The following NSMCE2 variants were observed in gnomAD, a reference collection of about 807,000 sequenced individuals.
The protein encoded by NSMCE2 is E3 SUMO-protein ligase NSE2.
NSMCE2 carries 24 observed loss-of-function variants against 23.8 expected under a neutral mutation model. The ratio of observed to expected loss-of-function variants is 1.01; its 90% confidence interval spans 0.73 to 1.42. NSMCE2 has a LOEUF of 1.42. NSMCE2 is among the 40% of genes most tolerant of loss of function. The pLI is 0.00. For missense variants in NSMCE2, 284 were observed against 296.5 expected (o/e 0.96, Z 0.31); for synonymous variants, 92 against 94.1 (o/e 0.98, Z 0.13).
At chr8:125,165,066 T>C (rs1200117713) in intron 4 of NSMCE2, among the ~76,000 whole-genome samples, 2 of 152,214 alleles carry the variant, frequency 1.3e-5, no homozygotes, top group Non-Finnish European at 2.9e-5. Flanking sequence ...GATACTGCAA[T>C]TGGAGTCAGA....
chr8:125,158,321 C>T (rs920314483), intron 4 of NSMCE2, among the ~76,000 whole-genome samples: 6 of 152,002 alleles, frequency 3.9e-5, no homozygotes, highest in African/African-American at 1.2e-4. Context: ...TAAAAACATG[C>T]GGTGAATGCT....
chr8:125,339,127 T>C (rs1332959219), intron 5 of NSMCE2, among the ~76,000 whole-genome samples: 1 of 152,200 alleles, frequency 6.6e-6, no homozygotes, highest in African/African-American at 2.4e-5. Flanking sequence ...GAAGGGACAC[T>C]GCTCTGCAGT....
At chr8:125,145,253 T>C (rs1464848267) in intron 3 of NSMCE2, among the ~76,000 whole-genome samples, 1 of 152,204 alleles carries the variant, frequency 6.6e-6, no homozygotes, top group Non-Finnish European at 1.5e-5. Flanking sequence ...TGCTTGTGAC[T>C]GGGGTCATTG....
At chr8:125,091,994 G>A (rs575579837) in intron 1 of NSMCE2, 36 bp downstream of exon 1, 2 of 152,458 alleles carry the variant, frequency 1.3e-5, no homozygotes, top group African/African-American at 4.8e-5. Context: ...TGGGGAGGGT[G>A]GCAGGAGTTT....
rs865885773 is a variant in NSMCE2 at position 125,229,446 on chromosome 8, G to A, written c.418+47190G>A. Among the ~76,000 whole-genome samples, 27 of 152,174 alleles carry A rather than the reference G, an allele frequency of 1.8e-4. No homozygotes were observed. In the Middle Eastern group the frequency reaches 0.01, roughly 58 times the overall value. ...GGATTTTCTTGTGACCCATTTTAGA[G>A]AGCACTGGAATTATTTAAGAATAAT... On this transcript the variant is annotated intron_variant, in intron 5 of 7. Coordinates refer to ENST00000287437, the MANE Select transcript of NSMCE2 (RefSeq NM_173685.4).
At chr8:125,254,319 A>G (rs1826320953) in intron 5 of NSMCE2, among the ~76,000 whole-genome samples, 1 of 152,208 alleles carries the variant, frequency 6.6e-6, no homozygotes, top group Non-Finnish European at 1.5e-5. Flanking sequence ...TGTGCCACAA[A>G]ACATTTTACC....
In NSMCE2 at chr8:125,125,351, T is replaced by TCA. The variant is rs565690099; in HGVS notation, c.157+22867_157+22868dup. 9.8e-5 allele frequency among the ~76,000 whole-genome samples: 15 copies of TCA among 152,318 alleles called. No homozygotes were observed. The South Asian group carries it at 2.5e-3, about 25-fold the overall frequency. On this transcript the variant is annotated intron_variant, in intron 3 of 7. Transcript: ENST00000287437. ...TCTAACGCCCTTTATTGAGAAAGCT[T>TCA]CACATCATTCTCACTGTAAGAGAAA...
rs184323788 is a variant in NSMCE2, at chr8:125,100,817, T to C, written c.-110-1234T>C. ...CTCAGGTGACCCTCCTGCTTCAGCC[T>C]CCCAAAGTGCTGGGATTACAGGTGT... On this transcript the variant is annotated intron_variant, in intron 1 of 7. Coordinates refer to ENST00000287437, the MANE Select transcript of NSMCE2 (RefSeq NM_173685.4). 8.7e-4 allele frequency among the ~76,000 whole-genome samples: 132 copies of C among 152,302 alleles called. No individual in the cohort carries two copies. The Middle Eastern group carries it at 0.01, about 12-fold the overall frequency.
At chr8:125,107,138 A>C (rs2130395145) in intron 3 of NSMCE2, among the ~76,000 whole-genome samples, 1 of 151,704 alleles carries the variant, frequency 6.6e-6, no homozygotes, top group Non-Finnish European at 1.5e-5. Flanking sequence ...CTGAATAACC[A>C]TAGTTTGTCT....
intron 4 of NSMCE2, among the ~76,000 whole-genome samples, chr8:125,158,809 C>G (rs1322371763): frequency 6.6e-6 from 1 of 152,188 alleles, no homozygotes; most frequent in Admixed American, 6.5e-5. Context: ...AATGGGCTAA[C>G]TGCAGAAGAG....
At chr8:125,271,643 C>A (rs1416034656) in intron 5 of NSMCE2, among the ~76,000 whole-genome samples, 1 of 152,142 alleles carries the variant, frequency 6.6e-6, no homozygotes, top group African/African-American at 2.4e-5. Context: ...AAAACTGAGA[C>A]CTTTGGAAGA....
At chr8:125,214,408 A>G (rs1454612176) in intron 5 of NSMCE2, among the ~76,000 whole-genome samples, 4 of 152,306 alleles carry the variant, frequency 2.6e-5, no homozygotes, top group Non-Finnish European at 4.4e-5. Flanking sequence ...CATTAAAGGA[A>G]TGAGATCAGA....
intron 4 of NSMCE2, among the ~76,000 whole-genome samples, chr8:125,164,648 T>C (rs987206708): frequency 2.6e-5 from 4 of 152,218 alleles, no homozygotes; most frequent in Non-Finnish European, 2.9e-5. Context: ...AGAAAAACTT[T>C]TGAAGAGCCA....
chr8:125,162,996 T>C (rs1821700322), intron 4 of NSMCE2, among the ~76,000 whole-genome samples: 1 of 152,204 alleles, frequency 6.6e-6, no homozygotes, highest in Non-Finnish European at 1.5e-5. Context: ...GCCTGCTTTG[T>C]CACTGAGTCA....
chr8:125,240,049 A>G (rs191530160), intron 5 of NSMCE2, among the ~76,000 whole-genome samples: 1 of 152,244 alleles, frequency 6.6e-6, no homozygotes, highest in Admixed American at 6.5e-5. Context: ...ACTGAACTGA[A>G]AAGACAACTA....
At chr8:125,353,977 G>A (rs1232069772) in intron 5 of NSMCE2, among the ~76,000 whole-genome samples, 1 of 150,354 alleles carries the variant, frequency 6.7e-6, no homozygotes, top group South Asian at 2.1e-4. Context: ...TGTCACTCAG[G>A]CTGGAGTGCA....
intron 3 of NSMCE2, among the ~76,000 whole-genome samples, chr8:125,131,222 A>G (rs1438168904): frequency 1.3e-5 from 2 of 152,186 alleles, no homozygotes; most frequent in African/African-American, 2.4e-5. Flanking sequence ...TGAAATTTAC[A>G]TGGGTCTTGA....
intron 7 of NSMCE2, among the ~76,000 whole-genome samples, chr8:125,360,761 T>C (rs1563805943): frequency 6.6e-6 from 1 of 152,186 alleles, no homozygotes; most frequent in East Asian, 1.9e-4. Context: ...GAGTGATGAG[T>C]ATTTCTGGGT....
chr8:125,192,725 G>T (rs1037722864), intron 5 of NSMCE2, among the ~76,000 whole-genome samples: 1 of 152,092 alleles, frequency 6.6e-6, no homozygotes, highest in African/African-American at 2.4e-5. Flanking sequence ...AATGGAAATC[G>T]AAAGACCTAA....
Sources: gnomAD v4.1 joint callset for allele counts (sites outside exome capture counted in the v4.1 genomes callset) on GRCh38, gnomAD v4.1.1 for gene constraint, MANE v1.5 for transcripts, NCBI Gene and HGNC (gene_info 2026-07-23, HGNC 2026-07-21) for gene names.